Variants in KIF24 observed in about 807,000 individuals in gnomAD.
KIF24 encodes the protein kinesin-like protein KIF24.
A neutral mutation model predicts 118.9 loss-of-function variants in KIF24; 81 were observed. The ratio of observed to expected loss-of-function variants is 0.68; its 90% CI spans 0.57 to 0.82. The LOEUF is 0.82. KIF24 is among the 40% of genes least tolerant of loss of function. The probability of loss-of-function intolerance (pLI) is 0.00; values close to 1 mark genes in which losing one functional copy is unlikely to be tolerated. For synonymous variants in KIF24, 599 were observed against 610.0 expected (o/e 0.98, Z 0.27); for missense variants, 1,560 against 1,661.6 (o/e 0.94, Z 1.06).
At chr9:34,288,848 C>CCACACACACACA (rs10537521) in intron 5 of KIF24, among the ~76,000 whole-genome samples, 33 of 138,980 alleles carry the variant, frequency 2.4e-4, no homozygotes, top group African/African-American at 9.0e-4. Flanking sequence ...CCCAAATAAA[C>CCACACACACACA]CACACACACA....
intron 5 of KIF24, 85 bp downstream of exon 5, chr9:34,290,089 T>C: frequency 1.1e-6 from 1 of 926,446 alleles, no homozygotes; most frequent in African/African-American, 1.6e-5. Context: ...AGCATCTCAT[T>C]AAAGCCTATG....
intron 3 of KIF24, among the ~76,000 whole-genome samples, chr9:34,298,110 G>T (rs553742687): frequency 1.3e-5 from 2 of 152,244 alleles, no homozygotes; most frequent in East Asian, 3.9e-4. Context: ...GTGATGGAAG[G>T]GGGGAAGGTA....
At chr9:34,333,089 T>G (rs779450066), upstream of KIF24, among the ~76,000 whole-genome samples, 3 of 152,114 alleles carry the variant, frequency 2.0e-5, no homozygotes, top group Non-Finnish European at 4.4e-5. Context: ...TGGACACTAG[T>G]GCCCTAAGTT....
At chr9:34,270,863 C>T (rs1182162735) in intron 7 of KIF24, among the ~76,000 whole-genome samples, 6 of 150,610 alleles carry the variant, frequency 4.0e-5, no homozygotes, top group Admixed American at 1.3e-4. Context: ...AGAGAGACCC[C>T]GTCTCAACCC....
rs935308502 is a variant in KIF24 at position 34,329,206 on chromosome 9, G to A, written c.-126C>T. ...CGCAACCTAACAGTCCCGTCAACCC[G>A]GGAGCCACCGGCGGCGGCCAGGCCG... On this transcript the variant is annotated 5_prime_UTR_variant, in exon 1 of 13. Transcript: ENST00000402558. Among the ~76,000 whole-genome samples, 7 of 152,220 alleles carry A rather than the reference G, an allele frequency of 4.6e-5. No individual in the cohort carries two copies. Among genetic ancestry groups the A allele is most frequent in the Non-Finnish European group, 7.3e-5 (5 of 68,034 alleles).
Position 34,310,848 on chromosome 9 carries a change from T to C in KIF24, c.499A>G (p.Ile167Val). The change falls in exon 2 of 13, where the codon ATC (isoleucine) becomes GTC (valine). Residue 167 changes from isoleucine (I) to valine (V), a missense_variant. Around this residue, in one of 3 missense-constraint regions of KIF24, gnomAD observed 964 missense variants for 988.0 expected, o/e 0.98. Coordinates refer to ENST00000402558, the MANE Select transcript of KIF24 (RefSeq NM_194313.4). The stretch of plus-strand genomic sequence containing the variant: ...TTTGGTGAAAAGAGTGAAGTGCTGA[T>C]TTCTGTTTGCACATAGGAATCACCA... ...TAGDSYVQTE[I>V]STSLFSPNYL... The C allele has an allele frequency of 6.2e-7, 1 of 1,614,046 alleles. No homozygotes were observed. Among genetic ancestry groups the C allele is most frequent in the Non-Finnish European group, 8.5e-7 (1 of 1,179,894 alleles).
chr9:34,299,895 T>G (rs897216020), intron 3 of KIF24, among the ~76,000 whole-genome samples: 3 of 151,934 alleles, frequency 2.0e-5, no homozygotes, highest in African/African-American at 7.3e-5. Context: ...ATCCTAGTAA[T>G]TTCAAGCCTG....
Position 34,318,652 on chromosome 9 carries a change from G to A in KIF24, c.-25-7281C>T, listed in dbSNP as rs1342287675. The A allele has an allele frequency of 8.4e-6, 13 of 1,541,888 alleles. No individual in the cohort carries two copies. Among genetic ancestry groups the A allele is most frequent in the Non-Finnish European group, 1.1e-5 (13 of 1,135,102 alleles). Reference sequence around the variant, plus strand: ...CCTCGTCGTTGGGGCTCGTGTCGCTGGGCGGCAAGGCGACCACGGCGTCGG... The same window carrying A: ...CCTCGTCGTTGGGGCTCGTGTCGCTAGGCGGCAAGGCGACCACGGCGTCGG... On this transcript the variant is annotated intron_variant, in intron 1 of 12. Coordinates refer to ENST00000402558, the MANE Select transcript of KIF24 (RefSeq NM_194313.4). This position sits in a 1 kb window ranked among gnomAD's most constrained non-coding sequence, Gnocchi z 4.9.
In KIF24 at chr9:34,271,887, C is replaced by T. The variant is rs746188599; in HGVS notation, c.1259G>A (p.Gly420Glu). The change falls in exon 7 of 13, where the codon GGA becomes GAA. Residue 420 changes from glycine (G) to glutamate (E), a missense_variant. This residue lies in a region of KIF24 where 964 missense variants were observed against 988.0 expected (regional missense o/e 0.98). Coordinates refer to ENST00000402558, the MANE Select transcript of KIF24 (RefSeq NM_194313.4). The part of the protein sequence containing the change: ...GSKERSTGAT[G>E]VNADSSRSHA... ...GGAGCGGGAGGAGTCTGCATTAACT[C>T]CAGTGGCCCCAGTGCTGCGCTCCTT... The T allele has an allele frequency of 1.9e-6, 3 of 1,607,194 alleles. No homozygotes were observed. Among genetic ancestry groups the T allele is most frequent in the Admixed American group, 3.4e-5 (2 of 58,784 alleles).
chr9:34,257,065 G>C lies in KIF24; in HGVS notation c.2542C>G (p.Leu848Val). The change falls in exon 11 of 13, where the codon CTG becomes GTG. Residue 848 changes from leucine to valine, a missense_variant. Transcript: ENST00000402558. ...SQRATKQRNT[L>V]ENSEDSFFLH... Reference sequence around the variant, plus strand: ...AAGAATGAGTCTTCGCTATTCTCCAGGGTGTTCCTTTGCTTTGTGGCCCTC... The same window carrying C: ...AAGAATGAGTCTTCGCTATTCTCCACGGTGTTCCTTTGCTTTGTGGCCCTC... 1 of 1,614,014 alleles carries C rather than the reference G, an allele frequency of 6.2e-7. No homozygotes were observed. The highest frequency in any genetic ancestry group is 8.5e-7 in the Non-Finnish European group (1 of 1,179,892).
At chr9:34,262,200 A>T (rs563212740) in intron 9 of KIF24, among the ~76,000 whole-genome samples, 1 of 152,190 alleles carries the variant, frequency 6.6e-6, no homozygotes, top group African/African-American at 2.4e-5. Flanking sequence ...AAGTGCTGGG[A>T]TTACAGGCAT....
chr9:34,314,290 A>G (rs1337970975), intron 1 of KIF24, among the ~76,000 whole-genome samples: 2 of 151,940 alleles, frequency 1.3e-5, no homozygotes, highest in African/African-American at 2.4e-5. Flanking sequence ...CAGCCTCCCA[A>G]ATAGCTGGGA....
chr9:34,311,765 T>TACATATATATAC (rs138563438), intron 1 of KIF24, among the ~76,000 whole-genome samples: 27,365 of 144,900 alleles, frequency 0.19, 2,856 homozygotes, highest in East Asian at 0.44. Flanking sequence ...TGTGTATATA[T>TACATATATATAC]ACATATATAT....
At chr9:34,307,461 T>A (rs1427722930) in intron 2 of KIF24, among the ~76,000 whole-genome samples, 1 of 152,208 alleles carries the variant, frequency 6.6e-6, no homozygotes, top group African/African-American at 2.4e-5. Context: ...GCACTAATTT[T>A]ATGGCATGTT....
At chr9:34,307,342 A>G (rs1389115335) in intron 2 of KIF24, among the ~76,000 whole-genome samples, 2 of 152,018 alleles carry the variant, frequency 1.3e-5, no homozygotes, top group Non-Finnish European at 2.9e-5. Context: ...TGGGATTACA[A>G]GCATCAGTCA....
At chr9:34,259,030 A>C (rs1834958687) in intron 10 of KIF24, among the ~76,000 whole-genome samples, 1 of 152,184 alleles carries the variant, frequency 6.6e-6, no homozygotes, top group Non-Finnish European at 1.5e-5. Flanking sequence ...AAGGGATCCC[A>C]GCAGATACCA....
chr9:34,276,402 CAA>C (rs11419785), intron 6 of KIF24, among the ~76,000 whole-genome samples: 11 of 80,684 alleles, frequency 1.4e-4, no homozygotes, highest in Non-Finnish European at 7.8e-5. Context: ...AACTGCATCT[CAA>C]AAAAAAAAAA....
chr9:34,306,385 CA>C lies in KIF24; in HGVS notation c.679del (p.Cys227ValfsTer9). 1 of 1,613,060 alleles carries C rather than the reference CA, an allele frequency of 6.2e-7. No homozygotes were observed. The highest frequency in any genetic ancestry group is 1.3e-5 in the African/African-American group (1 of 74,986). On this transcript the variant is annotated frameshift_variant, in exon 3 of 13. Coordinates refer to ENST00000402558, the MANE Select transcript of KIF24 (RefSeq NM_194313.4). LOFTEE classifies it high-confidence loss of function. ...PWTEMEKIRV[C>X]VRKRPLGMRE... is the part of the protein sequence containing the mutation. The stretch of plus-strand genomic sequence containing the variant: ...CATGCCCAGGGGGCGTTTTCGAACA[CA>C]AACTCTGATTTTCTCCATCTCAGTC...
chr9:34,255,862 C>T lies in KIF24; in HGVS notation c.3745G>A (p.Glu1249Lys). ...TDPIKLPCNS[E>K]NVTWLKPRPI... ...CTGGGTTTGAGCCATGTGACATTTT[C>T]ACTGTTGCAGGGCAACTTGATGGGG... The change falls in exon 11 of 13, where the codon GAA (glutamate) becomes AAA (lysine). Residue 1249 changes from glutamate (E) to lysine (K), a missense_variant. Physicochemically the swap from Glu to Lys is moderately conservative, Grantham distance 56. Around this residue, in one of 3 missense-constraint regions of KIF24, gnomAD observed 591 missense variants for 655.6 expected, o/e 0.90. Coordinates refer to ENST00000402558, the MANE Select transcript of KIF24 (RefSeq NM_194313.4). 1 of 1,614,018 alleles carries T rather than the reference C, an allele frequency of 6.2e-7. No homozygotes were observed. Among genetic ancestry groups the T allele is most frequent in the Non-Finnish European group, 8.5e-7 (1 of 1,179,892 alleles).
Sources: allele counts gnomAD v4.1 joint callset (sites outside exome capture counted in the v4.1 genomes callset), GRCh38; gene constraint gnomAD v4.1.1; regional missense constraint gnomAD v4.1.1; non-coding constraint Gnocchi (gnomAD v3.1); transcripts MANE v1.5; gene names NCBI Gene and HGNC (gene_info 2026-07-23, HGNC 2026-07-21).